MBOAT1: variants seen among roughly 807,000 people sequenced by gnomAD.
MBOAT1 encodes membrane bound glycerophospholipid O-acyltransferase 1, also known as membrane-bound glycerophospholipid O-acyltransferase 1.
In MBOAT1, 67 loss-of-function variants were observed where a neutral mutation model predicts 64.4. The observed-to-expected ratio is 1.04, with a 90% CI of 0.85 to 1.27. The LOEUF (loss-of-function observed/expected upper bound fraction) is 1.27. Among genes scored for constraint, MBOAT1 ranks in the 50% most tolerant of loss-of-function variants. The pLI is 0.00. For synonymous variants in MBOAT1, 229 were observed against 218.9 expected (o/e 1.05, Z -0.41); for missense variants, 563 against 604.6 (o/e 0.93, Z 0.72).
At chr6:20,112,818 C>T (rs1320700513) in intron 11 of MBOAT1, 58 bp downstream of exon 11, 1 of 1,563,354 alleles carries the variant, frequency 6.4e-7, no homozygotes, top group South Asian at 1.2e-5. Flanking sequence ...CAACAGATAA[C>T]AAACATGCAG....
rs1291243595 is a variant in MBOAT1, at chr6:20,112,242, G to T, written c.1209+634C>A. 2.0e-5 allele frequency among the ~76,000 whole-genome samples: 3 copies of T among 151,956 alleles called. No homozygotes were observed. In the East Asian group the frequency reaches 5.8e-4, roughly 30 times the overall value. On this transcript the variant is annotated intron_variant, in intron 11 of 12. Coordinates refer to ENST00000324607, the MANE Select transcript of MBOAT1 (RefSeq NM_001080480.3). Reference sequence around the variant, plus strand: ...ATGCATGTTCGTCTCCTTCTTGGAGGAGAGTTTTATTCTTTATTATCCTGC... The same window carrying T: ...ATGCATGTTCGTCTCCTTCTTGGAGTAGAGTTTTATTCTTTATTATCCTGC...
chr6:20,150,283 T>C (rs1168854702), intron 3 of MBOAT1, among the ~76,000 whole-genome samples: 3 of 151,968 alleles, frequency 2.0e-5, no homozygotes, highest in Non-Finnish European at 4.4e-5. Flanking sequence ...CAATTTAACA[T>C]ATATATATAT....
intron 1 of MBOAT1, among the ~76,000 whole-genome samples, chr6:20,164,077 T>C (rs567893919): frequency 1.8e-4 from 27 of 151,858 alleles, no homozygotes; most frequent in Admixed American, 2.6e-4. Flanking sequence ...GTATATATTA[T>C]GTACATAATA....
intron 1 of MBOAT1, among the ~76,000 whole-genome samples, chr6:20,198,533 C>G (rs193233151): frequency 6.6e-6 from 1 of 152,336 alleles, no homozygotes; most frequent in East Asian, 1.9e-4. Context: ...ACTCTACCAT[C>G]TTGTGACTTT....
At chr6:20,140,988 C>T (rs547510930) in intron 4 of MBOAT1, among the ~76,000 whole-genome samples, 2 of 152,096 alleles carry the variant, frequency 1.3e-5, no homozygotes, top group Non-Finnish European at 2.9e-5. Flanking sequence ...TAGCACCAAC[C>T]CTTGAGAGCC....
At chr6:20,133,780 C>T (rs977817939) in intron 4 of MBOAT1, among the ~76,000 whole-genome samples, 1 of 152,064 alleles carries the variant, frequency 6.6e-6, no homozygotes, top group Non-Finnish European at 1.5e-5. Flanking sequence ...GATTCGGTGG[C>T]GCACGTTAAG....
chr6:20,112,618 C>CTTTA lies in MBOAT1; in HGVS notation c.1209+257_1209+258insTAAA, dbSNP rs1055994880. Among the ~76,000 whole-genome samples the CTTTA allele has an allele frequency of 3.9e-4, 60 of 152,308 alleles. 1 individual carries two copies. The highest frequency in any genetic ancestry group is 1.4e-3 in the African/African-American group (59 of 41,582). On this transcript the variant is annotated intron_variant, in intron 11 of 12. Coordinates refer to ENST00000324607, the MANE Select transcript of MBOAT1 (RefSeq NM_001080480.3). ...AAAAATGTTTTCATCTCTTAGGGTA[C>CTTTA]TAAACATTGTCCCTAAAATTCCTTT...
intron 4 of MBOAT1, among the ~76,000 whole-genome samples, chr6:20,131,553 A>G (rs546487571): frequency 6.6e-6 from 1 of 152,092 alleles, no homozygotes; most frequent in East Asian, 1.9e-4. Flanking sequence ...ATTCAATTAA[A>G]CCTCTTTCCT....
chr6:20,193,140 G>C (rs2113758875), intron 1 of MBOAT1, among the ~76,000 whole-genome samples: 1 of 151,256 alleles, frequency 6.6e-6, no homozygotes, highest in African/African-American at 2.4e-5. Context: ...AGAGTAGCTG[G>C]GACTACAGGT....
chr6:20,117,942 GA>G lies in MBOAT1; in HGVS notation c.1011+494del, dbSNP rs772637646. On this transcript the variant is annotated intron_variant, in intron 9 of 12. Transcript: ENST00000324607. ...TGTGGTGCAAGAATGAAGACAGAGA[GA>G]AAAACCACACTATTCTAGTGGCCTA... 1.1e-4 allele frequency among the ~76,000 whole-genome samples: 17 copies of G among 152,172 alleles called. 1 individual carries two copies. Among genetic ancestry groups the G allele is most frequent in the Non-Finnish European group, 2.2e-4 (15 of 68,024 alleles).
At chr6:20,103,845 T>C (rs574223200) in intron 12 of MBOAT1, among the ~76,000 whole-genome samples, 1 of 152,318 alleles carries the variant, frequency 6.6e-6, no homozygotes, top group South Asian at 2.1e-4. Flanking sequence ...TGAGGAAAAG[T>C]TTTCTTAATA....
Position 20,180,049 on chromosome 6 carries a change from G to C in MBOAT1, c.100-27280C>G, listed in dbSNP as rs148971135. 4.2e-3 allele frequency among the ~76,000 whole-genome samples: 637 copies of C among 152,238 alleles called. 4 individuals carry two copies. The highest frequency in any genetic ancestry group is 6.0e-3 in the Non-Finnish European group (409 of 68,014). On this transcript the variant is annotated intron_variant, in intron 1 of 12. Transcript: ENST00000324607. ...GTCTAGTAGGTACTGGGGATTTGCC[G>C]GGGGTTGGATTAAAGAAATAAAACA...
Position 20,212,415 on chromosome 6 carries a change from G to A in MBOAT1, c.-181C>T. ...GCAAACTCTCGAGGCGCAAACTCTCGAGGCGCAAACTTGGCTTTGGCGCTG... is the reference window on the plus strand; with the variant it reads ...GCAAACTCTCGAGGCGCAAACTCTCAAGGCGCAAACTTGGCTTTGGCGCTG... On this transcript the variant is annotated 5_prime_UTR_variant, in exon 1 of 13. Transcript: ENST00000324607. 1.6e-6 allele frequency: 1 copy of A among 609,184 alleles called. No individual in the cohort carries two copies. The highest frequency in any genetic ancestry group is 2.9e-5 in the East Asian group (1 of 33,940). 37.7% of individuals were successfully genotyped at this position (609,184 alleles called of 1,614,324 possible).
At chr6:20,122,721 T>C (rs1760529008) in intron 8 of MBOAT1, among the ~76,000 whole-genome samples, 1 of 152,128 alleles carries the variant, frequency 6.6e-6, no homozygotes, top group Non-Finnish European at 1.5e-5. Context: ...GATCTAGAGA[T>C]AGACGGTGGT....
rs574555968 is a variant in MBOAT1 at position 20,177,596 on chromosome 6, A to G, written c.100-24827T>C. ...AGACCATCATGGCTACCACGGTGAA[A>G]CCCCGTCTCTACTAAAAAATACAAA... On this transcript the variant is annotated intron_variant, in intron 1 of 12. Coordinates refer to ENST00000324607, the MANE Select transcript of MBOAT1 (RefSeq NM_001080480.3). Among the ~76,000 whole-genome samples the G allele has an allele frequency of 2.2e-3, 337 of 151,706 alleles. 1 individual carries two copies. Among genetic ancestry groups the G allele is most frequent in the African/African-American group, 7.9e-3 (325 of 41,346 alleles).
intron 3 of MBOAT1, among the ~76,000 whole-genome samples, chr6:20,150,366 T>C (rs936058231): frequency 2.6e-5 from 4 of 152,072 alleles, no homozygotes; most frequent in Non-Finnish European, 5.9e-5. Flanking sequence ...CCCCTAGAAC[T>C]TTCCTCATCC....
intron 4 of MBOAT1, among the ~76,000 whole-genome samples, chr6:20,135,886 A>G (rs1261141161): frequency 1.3e-5 from 2 of 152,186 alleles, no homozygotes; most frequent in East Asian, 3.8e-4. Context: ...AGCAACCTAG[A>G]CCGCTACTGC....
intron 4 of MBOAT1, among the ~76,000 whole-genome samples, chr6:20,133,864 A>G (rs1006426258): frequency 1.3e-5 from 2 of 152,084 alleles, no homozygotes; most frequent in Non-Finnish European, 2.9e-5. Flanking sequence ...GTGCTGTGGG[A>G]GTGAGCTGGC....
intron 1 of MBOAT1, among the ~76,000 whole-genome samples, chr6:20,210,964 T>G (rs1469679870): frequency 6.6e-6 from 1 of 152,174 alleles, no homozygotes; most frequent in Non-Finnish European, 1.5e-5. Flanking sequence ...TATCTCATCC[T>G]CACCAGAAAC....
Sources: gnomAD v4.1 joint callset for allele counts (sites outside exome capture counted in the v4.1 genomes callset) on GRCh38, gnomAD v4.1.1 for gene constraint, MANE v1.5 for transcripts, NCBI Gene and HGNC (gene_info 2026-07-23, HGNC 2026-07-21) for gene names.